Variants in PRKAG3 observed in about 807,000 individuals in gnomAD.
PRKAG3 encodes protein kinase AMP-activated non-catalytic subunit gamma 3.
Under a neutral mutation model 56.5 loss-of-function variants are expected in PRKAG3, and 39 were observed. The ratio of observed to expected loss-of-function variants is 0.69; its 90% confidence interval spans 0.53 to 0.90. The LOEUF is 0.90. PRKAG3 is among the 40% of genes least tolerant of loss of function. PRKAG3 has a pLI of 0.00. For synonymous variants in PRKAG3, 243 were observed against 250.1 expected, an observed-to-expected ratio of 0.97 and a Z score of 0.27; for missense variants, 628 against 627.5, an observed-to-expected ratio of 1.00 and a Z score of -0.01.
At chr2:218,825,415 G>A (rs1047140038) in intron 10 of PRKAG3, among the ~76,000 whole-genome samples, 2 of 151,898 alleles carry the variant, frequency 1.3e-5, no homozygotes, top group Admixed American at 6.6e-5. Context: ...GGCCAAGACA[G>A]GTGGATCACT....
intron 4 of PRKAG3, among the ~76,000 whole-genome samples, chr2:218,829,289 G>A (rs1943983122): frequency 6.6e-6 from 1 of 151,044 alleles, no homozygotes; most frequent in Admixed American, 6.6e-5. Context: ...TACCAAGAGA[G>A]TCCCCTACTC....
exon 13 of PRKAG3, chr2:218,823,665 G>C (rs1943885829): frequency 1.3e-6 from 2 of 1,599,532 alleles, no homozygotes; most frequent in Admixed American, 3.3e-5. Flanking sequence ...AGCTGAACCA[G>C]CAAATGGGGG....
rs13399980 is a variant in PRKAG3 at position 218,831,478 on chromosome 2, C to A, written c.34-103G>T. The A allele has an allele frequency of 7.1e-6, 8 of 1,124,150 alleles. No individual in the cohort carries two copies. The Admixed American group carries it at 1.6e-4, about 22-fold the overall frequency. The allele number at this position is 1,124,150 out of a possible 1,614,324, so 69.6% of individuals were successfully genotyped here. ...ACACACCCATGCACACCAATACACA[C>A]GCTCAGACACACGCCATACACAGAC... On this transcript the variant is annotated intron_variant, in intron 1 of 12. Transcript: ENST00000529249.
exon 4 of PRKAG3, chr2:218,830,312 G>A (rs958783695): frequency 1.6e-5 from 26 of 1,612,800 alleles, no homozygotes; most frequent in Non-Finnish European, 2.0e-5. Context: ...ATCAGCTTGA[G>A]CCAAGGGTGT....
intron 10 of PRKAG3, among the ~76,000 whole-genome samples, chr2:218,826,119 T>C (rs1026646807): frequency 6.6e-6 from 1 of 152,222 alleles, no homozygotes; most frequent in Non-Finnish European, 1.5e-5. Flanking sequence ...TGACATGATG[T>C]CTGTAATTTA....
exon 10 of PRKAG3, chr2:218,826,972 A>G: frequency 1.2e-6 from 2 of 1,614,188 alleles, no homozygotes; most frequent in East Asian, 2.2e-5. Context: ...CCGGTCCACA[A>G]AGATGTCCAG....
At chr2:218,830,760 G>A (rs752338729) in exon 3 of PRKAG3, 1 of 1,612,380 alleles carries the variant, frequency 6.2e-7, no homozygotes, top group Non-Finnish European at 8.5e-7. Flanking sequence ...CCCCTGACCT[G>A]GTGGCTCCCC....
Position 218,827,173 on chromosome 2 carries a change from G to A in PRKAG3, c.1002+74C>T. ...TCCCAGCTCTTCCCCACGACTGCTA[G>A]GGCTGAAGACTCCTCAGGCCCTCTG... is the stretch of plus-strand genomic sequence containing the variant. On this transcript the variant is annotated intron_variant, in intron 9 of 12. Transcript: ENST00000529249. This position sits in a 1 kb window ranked among gnomAD's most constrained non-coding sequence, Gnocchi z 5.3. 1.9e-6 allele frequency: 3 copies of A among 1,613,276 alleles called. No individual in the cohort carries two copies. The highest frequency in any genetic ancestry group is 2.5e-6 in the Non-Finnish European group (3 of 1,179,748).
chr2:218,825,981 G>C (rs373267145), intron 10 of PRKAG3, among the ~76,000 whole-genome samples: 2 of 151,848 alleles, frequency 1.3e-5, no homozygotes, highest in Non-Finnish European at 2.9e-5. Flanking sequence ...GGATAGTCTC[G>C]ATCTCTTGAC....
downstream of PRKAG3, chr2:218,822,782 CA>C: frequency 2.8e-6 from 2 of 708,258 alleles, no homozygotes; most frequent in Non-Finnish European, 3.5e-6. Flanking sequence ...TTGCTGGGAA[CA>C]ACAGCTGGGA....
At chr2:218,830,407 A>T (rs771561077) in intron 3 of PRKAG3, 26 bp from the exon 4 acceptor site, 2 of 1,595,992 alleles carry the variant, frequency 1.3e-6, no homozygotes, top group East Asian at 4.5e-5. Flanking sequence ...GGGGAAGAGG[A>T]CAGTAACTCC....
Position 218,827,137 on chromosome 2 carries a change from T to C in PRKAG3, c.1003-44A>G, listed in dbSNP as rs2105987325. 3 of 1,612,696 alleles carry C rather than the reference T, an allele frequency of 1.9e-6. No homozygotes were observed. The highest frequency in any genetic ancestry group is 2.5e-6 in the Non-Finnish European group (3 of 1,179,906). ...AGGTGGAGATCAGGGATCCAGCAGC[T>C]TCAAGAGGGCTCCCAGCTCTTCCCC... On this transcript the variant is annotated intron_variant, in intron 9 of 12. Coordinates refer to ENST00000529249, the Ensembl canonical transcript of PRKAG3. This position sits in a 1 kb window ranked among gnomAD's most constrained non-coding sequence, Gnocchi z 5.3.
At chr2:218,829,870 G>A in intron 4 of PRKAG3, 108 bp downstream of exon 4, 1 of 1,386,254 alleles carries the variant, frequency 7.2e-7, no homozygotes, top group Non-Finnish European at 1.0e-6. Flanking sequence ...CTTTCAGGGG[G>A]CTTGCAGGGG....
Position 218,823,641 on chromosome 2 carries a change from C to G in PRKAG3, c.*121G>C. ...GCTGGTGTCATGGCCCAGGGCAGAG[C>G]CTACCTGAATCATAGCTGAACCAGC... is the stretch of plus-strand genomic sequence containing the variant. On this transcript the variant is annotated 3_prime_UTR_variant, in exon 13 of 13. Coordinates refer to ENST00000529249, the Ensembl canonical transcript of PRKAG3. The G allele has an allele frequency of 1.9e-6, 3 of 1,589,460 alleles. No individual in the cohort carries two copies. The South Asian group carries it at 3.3e-5, about 18-fold the overall frequency.
intron 5 of PRKAG3, 117 bp from the exon 6 acceptor site, chr2:218,828,179 T>C: frequency 9.6e-7 from 1 of 1,038,134 alleles, no homozygotes; most frequent in East Asian, 2.6e-5. Flanking sequence ...GTGGGGACTG[T>C]GGGAACAGGA....
At chr2:218,822,983 T>A, downstream of PRKAG3, 1 of 984,554 alleles carries the variant, frequency 1.0e-6, no homozygotes, top group African/African-American at 1.7e-5. Context: ...TCAGCTGTTC[T>A]CCTTAATTTC....
At chr2:218,824,016 G>T in intron 12 of PRKAG3, 138 bp from the exon 13 acceptor site, 1 of 1,199,002 alleles carries the variant, frequency 8.3e-7, no homozygotes, top group Non-Finnish European at 1.2e-6. Context: ...TAGGGATGGT[G>T]TGACCGGCCT....
chr2:218,828,622 T>A, intron 4 of PRKAG3, 22 bp from the exon 5 acceptor site: 1 of 1,606,186 alleles, frequency 6.2e-7, no homozygotes, highest in Non-Finnish European at 8.5e-7. Flanking sequence ...GGGAGAACAG[T>A]CAAGGGTGGG....
chr2:218,824,686 AC>A, intron 10 of PRKAG3, 110 bp from the exon 11 acceptor site: 1 of 962,460 alleles, frequency 1.0e-6, no homozygotes, highest in Non-Finnish European at 1.7e-6. Context: ...GGGTGCCACT[AC>A]CAGAACCCAA....
Sources: allele counts gnomAD v4.1 joint callset (sites outside exome capture counted in the v4.1 genomes callset), GRCh38; gene constraint gnomAD v4.1.1; non-coding constraint Gnocchi (gnomAD v3.1); transcripts MANE v1.5; gene names NCBI Gene and HGNC (gene_info 2026-07-23, HGNC 2026-07-21).